Variants in GLDC observed in about 807,000 individuals in gnomAD.
GLDC encodes glycine dehydrogenase (decarboxylating), mitochondrial.
GLDC carries 104 observed loss-of-function variants against 121.3 expected under a neutral mutation model. The ratio of observed to expected loss-of-function variants is 0.86; its 90% CI spans 0.73 to 1.01. The LOEUF (loss-of-function observed/expected upper bound fraction) is 1.01. Among genes scored for constraint, GLDC ranks in the 50% least tolerant of loss-of-function variants. The probability of loss-of-function intolerance (pLI) is 0.00; values close to 1 mark genes in which losing one functional copy is unlikely to be tolerated. For synonymous variants in GLDC, 546 were observed against 480.6 expected, an observed-to-expected ratio of 1.14 and a Z score of -1.78; for missense variants, 1,429 against 1,306.6, an observed-to-expected ratio of 1.09 and a Z score of -1.44.
intron 16 of GLDC, among the ~76,000 whole-genome samples, chr9:6,561,748 A>G (rs1251188108): frequency 6.6e-6 from 1 of 152,178 alleles, no homozygotes; most frequent in Non-Finnish European, 1.5e-5. Flanking sequence ...TGGTGCATTG[A>G]TGCCCATTTA....
chr9:6,635,662 C>G (rs984377132), intron 2 of GLDC, among the ~76,000 whole-genome samples: 1 of 151,980 alleles, frequency 6.6e-6, no homozygotes, highest in South Asian at 2.1e-4. Flanking sequence ...CATTTAAGCC[C>G]AGAAGCTTGA....
At chr9:6,620,566 G>T (rs552729877) in intron 2 of GLDC, among the ~76,000 whole-genome samples, 1 of 150,448 alleles carries the variant, frequency 6.6e-6, no homozygotes, top group South Asian at 2.1e-4. Context: ...TTCCTTATTC[G>T]GTTCTGTTTG....
intron 21 of GLDC, among the ~76,000 whole-genome samples, chr9:6,542,607 C>G (rs537322123): frequency 6.6e-6 from 1 of 151,486 alleles, no homozygotes; most frequent in South Asian, 2.1e-4. Context: ...AAAATTCAGC[C>G]GGGCATGGTA....
chr9:6,546,688 G>A (rs1015142888), intron 21 of GLDC, among the ~76,000 whole-genome samples: 4 of 151,794 alleles, frequency 2.6e-5, no homozygotes, highest in African/African-American at 4.8e-5. Context: ...GGGGCCAGAC[G>A]CAGTGGCTCA....
intron 15 of GLDC, among the ~76,000 whole-genome samples, chr9:6,579,774 G>A (rs1818139978): frequency 6.6e-6 from 1 of 152,164 alleles, no homozygotes; most frequent in South Asian, 2.1e-4. Flanking sequence ...TTTGCCTCAC[G>A]CCAGTGCCTA....
intron 11 of GLDC, among the ~76,000 whole-genome samples, chr9:6,591,680 G>A (rs1482204729): frequency 1.3e-5 from 2 of 152,130 alleles, no homozygotes; most frequent in African/African-American, 2.4e-5. Context: ...CGCCTCCTGG[G>A]TTGAAGCAAT....
At chr9:6,566,621 A>G (rs1817860208) in intron 15 of GLDC, 2 of 152,150 alleles carry the variant, frequency 1.3e-5, no homozygotes, top group East Asian at 1.9e-4. Flanking sequence ...CATTCCGGTG[A>G]GCAATGCTGA....
intron 21 of GLDC, among the ~76,000 whole-genome samples, chr9:6,547,003 T>C (rs1160550956): frequency 6.6e-6 from 1 of 151,974 alleles, no homozygotes; most frequent in Non-Finnish European, 1.5e-5. Context: ...AGAAGCATTA[T>C]GTAGTGAATA....
intron 3 of GLDC, among the ~76,000 whole-genome samples, chr9:6,612,520 C>T (rs576705634): frequency 2.2e-4 from 33 of 152,118 alleles, no homozygotes; most frequent in African/African-American, 7.5e-4. Flanking sequence ...ATCACTCGAG[C>T]CCTGGAATTC....
At chr9:6,573,580 A>G (rs1479221204) in intron 15 of GLDC, among the ~76,000 whole-genome samples, 1 of 152,142 alleles carries the variant, frequency 6.6e-6, no homozygotes, top group Admixed American at 6.6e-5. Context: ...CATCCTACCC[A>G]GTGTCACCCC....
chr9:6,615,711 A>G (rs1587969397), intron 3 of GLDC, among the ~76,000 whole-genome samples: 1 of 150,550 alleles, frequency 6.6e-6, no homozygotes, highest in African/African-American at 2.4e-5. Context: ...CCTGGGTTCA[A>G]GTGATTCTCC....
At chr9:6,595,733 C>G (rs146963261) in intron 8 of GLDC, among the ~76,000 whole-genome samples, 29 of 152,178 alleles carry the variant, frequency 1.9e-4, no homozygotes, top group African/African-American at 5.5e-4. Flanking sequence ...CTCCAGAAGC[C>G]GAGATGGATC....
chr9:6,559,271 T>A (rs932831567), intron 16 of GLDC, among the ~76,000 whole-genome samples: 1 of 151,962 alleles, frequency 6.6e-6, no homozygotes, highest in Non-Finnish European at 1.5e-5. Flanking sequence ...TCCCAGCACT[T>A]TGGGAGGCCG....
At position 6,644,636 on chromosome 9, in the gene GLDC, G is replaced by A. The variant is rs764472892; in HGVS notation, c.312C>T (p.Pro104=). The A allele has an allele frequency of 1.9e-6, 3 of 1,612,652 alleles. No homozygotes were observed. The highest frequency in any genetic ancestry group is 1.7e-5 in the Admixed American group (1 of 60,026). Residue 104 remains proline (P), a synonymous_variant, in exon 2 of 25, where the codon CCC becomes CCT. Coordinates refer to ENST00000321612, the MANE Select transcript of GLDC (RefSeq NM_000170.3). ...TACAAACAGGGTCTTCCATTTTCAA[G>A]GGTCTTTTCAAACGGATGTTGGCAG... is the stretch of plus-strand genomic sequence containing the variant. ...TVPANIRLKR[P]LKMEDPVCEN...
In GLDC at chr9:6,534,691, A is replaced by C. The variant is rs372909849; in HGVS notation, c.2919+17T>G. ...CCATGCCTTCCCAGCTGGCACATTCAGATTCAGAGAACTTACGAGTGGGAA... is the reference window on the plus strand; with the variant it reads ...CCATGCCTTCCCAGCTGGCACATTCCGATTCAGAGAACTTACGAGTGGGAA... On this transcript the variant is annotated intron_variant, in intron 24 of 24. Coordinates refer to ENST00000321612, the MANE Select transcript of GLDC (RefSeq NM_000170.3). The C allele has an allele frequency of 4.2e-6, 6 of 1,424,814 alleles. No individual in the cohort carries two copies. The African/African-American group carries it at 5.6e-5, about 13-fold the overall frequency. 88.3% of individuals were successfully genotyped at this position (1,424,814 alleles called of 1,614,324 possible).
At chr9:6,574,499 AAAG>A (rs1818025917) in intron 15 of GLDC, among the ~76,000 whole-genome samples, 2 of 152,034 alleles carry the variant, frequency 1.3e-5, no homozygotes, top group Non-Finnish European at 2.9e-5. Flanking sequence ...AAAAAAAAGA[AAAG>A]AAATGCAAAT....
At chr9:6,582,551 C>T (rs1473692095) in intron 15 of GLDC, among the ~76,000 whole-genome samples, 4 of 150,992 alleles carry the variant, frequency 2.6e-5, no homozygotes, top group Admixed American at 6.6e-5. Flanking sequence ...ACTGCTGGGC[C>T]GGGCGCGGTG....
intron 2 of GLDC, among the ~76,000 whole-genome samples, chr9:6,633,978 C>T (rs950709616): frequency 6.6e-6 from 1 of 151,556 alleles, no homozygotes; most frequent in African/African-American, 2.4e-5. Context: ...TACAGGCGCC[C>T]GCCACCAGGC....
In GLDC at chr9:6,620,287, T is replaced by C. The variant is rs370683363; in HGVS notation, c.367A>G (p.Ile123Val). The change falls in exon 3 of 25, where the codon ATT becomes GTT. Residue 123 changes from isoleucine (I) to valine (V), a missense_variant. Coordinates refer to ENST00000321612, the MANE Select transcript of GLDC (RefSeq NM_000170.3). ...CTCCAGATCTGGTTTTTGCTTGAAA[T>C]GGCATGCAGAGTTGCAAGGATTTCA... ...ENEILATLHA[I>V]SSKNQIWRSY... The C allele has an allele frequency of 1.9e-6, 3 of 1,613,732 alleles. No homozygotes were observed. The Admixed American group carries it at 5.0e-5, about 27-fold the overall frequency.
Sources: gnomAD v4.1 joint callset for allele counts (sites outside exome capture counted in the v4.1 genomes callset) on GRCh38, gnomAD v4.1.1 for gene constraint, MANE v1.5 for transcripts, NCBI Gene and HGNC (gene_info 2026-07-23, HGNC 2026-07-21) for gene names.